ARPP21: variants seen among roughly 807,000 people sequenced by gnomAD.
The protein encoded by ARPP21 is cAMP regulated phosphoprotein 21.
ARPP21 carries 69 observed loss-of-function variants against 113.2 expected under a neutral mutation model. The observed-to-expected ratio is 0.61, with a 90% CI of 0.50 to 0.74. The LOEUF (loss-of-function observed/expected upper bound fraction) is 0.74. Among genes scored for constraint, ARPP21 ranks in the 30% least tolerant of loss-of-function variants. The pLI, the probability that ARPP21 is intolerant of heterozygous loss-of-function variation, is 0.00. For synonymous variants in ARPP21, 368 were observed against 375.5 expected, an observed-to-expected ratio of 0.98 and a Z score of 0.23; for missense variants, 1,070 against 1,037.4, an observed-to-expected ratio of 1.03 and a Z score of -0.43.
chr3:35,778,608 C>T (rs1230441645), intron 19 of ARPP21, among the ~76,000 whole-genome samples: 1 of 152,134 alleles, frequency 6.6e-6, no homozygotes, highest in Non-Finnish European at 1.5e-5. Context: ...CTCAACTTAC[C>T]TACTCCCTTT....
At position 35,793,745 on chromosome 3, in the gene ARPP21, C is replaced by G; in HGVS notation, c.2331C>G (p.Tyr777Ter). 1 of 1,613,644 alleles carries G rather than the reference C, an allele frequency of 6.2e-7. No homozygotes were observed. Among genetic ancestry groups the G allele is most frequent in the Non-Finnish European group, 8.5e-7 (1 of 1,179,530 alleles). Residue 777 changes from tyrosine (Y) to a stop codon, truncating the protein, a stop_gained, in exon 21 of 21, where the codon TAC becomes TAG. Transcript: ENST00000684406. LOFTEE classifies it high-confidence loss of function. Reference sequence around the variant, plus strand: ...CTCAAGGACTGCCCCAGCAGTCATACCAACAGCCAATCATGCTACCTAACC... The same window carrying G: ...CTCAAGGACTGCCCCAGCAGTCATAGCAACAGCCAATCATGCTACCTAACC... Reference protein sequence around the residue: ...QGSQGLPQQSYQQPIMLPNQA... With the variant: ...QGSQGLPQQS
At position 35,655,022 on chromosome 3, in the gene ARPP21, G is replaced by A. The variant is rs534833356; in HGVS notation, c.-213+14624G>A. Among the ~76,000 whole-genome samples, 227 of 151,666 alleles carry A rather than the reference G, an allele frequency of 1.5e-3. 1 individual carries two copies. The highest frequency in any genetic ancestry group is 5.0e-3 in the African/African-American group (207 of 41,414). ...AAAATCTTAGAAATAATATTTATAG[G>A]TAAATATAAGGATTTATTTTATATC... On this transcript the variant is annotated intron_variant, in intron 1 of 20. Transcript: ENST00000684406.
intron 14 of ARPP21, among the ~76,000 whole-genome samples, chr3:35,726,125 G>A (rs973946996): frequency 2.6e-5 from 4 of 152,196 alleles, no homozygotes; most frequent in Non-Finnish European, 5.9e-5. Context: ...CTAGCACAGT[G>A]ATTGTCACAT....
At chr3:35,666,831 A>G (rs2074487160) in intron 1 of ARPP21, among the ~76,000 whole-genome samples, 1 of 152,178 alleles carries the variant, frequency 6.6e-6, no homozygotes, top group African/African-American at 2.4e-5. Context: ...CTTTTTCCAA[A>G]TATAAAATTA....
rs147038285 is a variant in ARPP21 at position 35,770,351 on chromosome 3, G to T, written c.2138-22031G>T. The stretch of plus-strand genomic sequence containing the variant: ...TTTATTTCAAGATATATATTGGCAA[G>T]ATTAGTAAAATGGTTCAGCATTCTT... On this transcript the variant is annotated intron_variant, in intron 19 of 20. Coordinates refer to ENST00000684406, the MANE Select transcript of ARPP21 (RefSeq NM_001385562.1). Among the ~76,000 whole-genome samples, 830 of 152,308 alleles carry T rather than the reference G, an allele frequency of 5.4e-3. 10 individuals are homozygous for T. The highest frequency in any genetic ancestry group is 0.019 in the African/African-American group (789 of 41,572).
intron 9 of ARPP21, among the ~76,000 whole-genome samples, chr3:35,703,709 G>A (rs748077203): frequency 6.6e-6 from 1 of 151,482 alleles, no homozygotes; most frequent in African/African-American, 2.4e-5. Flanking sequence ...AGTCATCATT[G>A]ATTTAATAAA....
intron 17 of ARPP21, 101 bp from the exon 18 acceptor site, chr3:35,739,216 C>T (rs2094524548): frequency 7.3e-7 from 1 of 1,368,324 alleles, no homozygotes; most frequent in Non-Finnish European, 1.0e-6. Flanking sequence ...CTTCCTGTCT[C>T]TCCCACAACT....
chr3:35,751,472 G>A (rs2095402487), intron 19 of ARPP21, among the ~76,000 whole-genome samples: 1 of 152,076 alleles, frequency 6.6e-6, no homozygotes, highest in South Asian at 2.1e-4. Flanking sequence ...GCGTGAGTAA[G>A]TAAGCGATAC....
At chr3:35,657,250 C>G (rs967272620) in intron 1 of ARPP21, among the ~76,000 whole-genome samples, 1 of 152,064 alleles carries the variant, frequency 6.6e-6, no homozygotes, top group Non-Finnish European at 1.5e-5. Context: ...TGTACACGCC[C>G]TCAGAAATTG....
At chr3:35,786,887 G>A (rs916268396) in intron 19 of ARPP21, among the ~76,000 whole-genome samples, 1 of 152,066 alleles carries the variant, frequency 6.6e-6, no homozygotes, top group Non-Finnish European at 1.5e-5. Context: ...GAGGCATAAG[G>A]CAGTGACTCC....
intron 19 of ARPP21, chr3:35,781,519 A>C (rs1576988744): frequency 6.6e-6 from 1 of 152,308 alleles, no homozygotes; most frequent in East Asian, 1.9e-4. Context: ...AAAGATAAGC[A>C]CATTTGTATT....
At chr3:35,667,969 GAAGAAGAAGAAGA>G (rs1161664864) in intron 1 of ARPP21, among the ~76,000 whole-genome samples, 1 of 118,586 alleles carries the variant, frequency 8.4e-6, no homozygotes, top group Non-Finnish European at 1.8e-5. Flanking sequence ...AGAAGAAGAA[GAAGAAGAAGAAGA>G]AGAAGAAGAA....
chr3:35,739,274 A>C (rs1307867431), intron 17 of ARPP21, 43 bp from the exon 18 acceptor site: 1 of 1,595,122 alleles, frequency 6.3e-7, no homozygotes, highest in Non-Finnish European at 8.6e-7. Context: ...CTTATTACCA[A>C]GCTGATCCTG....
At chr3:35,748,874 G>A (rs1016192416) in intron 19 of ARPP21, among the ~76,000 whole-genome samples, 1 of 152,176 alleles carries the variant, frequency 6.6e-6, no homozygotes, top group African/African-American at 2.4e-5. Flanking sequence ...GTTTGCAAGG[G>A]AAATACACCG....
chr3:35,657,982 T>C (rs1440818419), intron 1 of ARPP21, among the ~76,000 whole-genome samples: 1 of 152,174 alleles, frequency 6.6e-6, no homozygotes, highest in African/African-American at 2.4e-5. Flanking sequence ...CACTTTTGTA[T>C]GTTAGTGGGA....
intron 19 of ARPP21, among the ~76,000 whole-genome samples, chr3:35,786,463 G>A (rs1424500197): frequency 1.3e-5 from 2 of 151,774 alleles, no homozygotes; most frequent in Non-Finnish European, 2.9e-5. Flanking sequence ...AGGAGGCAGG[G>A]GTTGCAGTGA....
intron 9 of ARPP21, 130 bp from the exon 10 acceptor site, chr3:35,706,844 G>A: frequency 6.3e-6 from 4 of 630,066 alleles, no homozygotes; most frequent in Non-Finnish European, 5.5e-6. Flanking sequence ...TATATTGCCA[G>A]CAACTCTAGT....
chr3:35,706,593 G>C (rs1363151252), intron 9 of ARPP21, among the ~76,000 whole-genome samples: 3 of 152,236 alleles, frequency 2.0e-5, no homozygotes, highest in African/African-American at 7.2e-5. Context: ...GTGAATTAAT[G>C]TGTTACTCTC....
chr3:35,729,328 C>G lies in ARPP21; in HGVS notation c.1251C>G (p.Gly417=), dbSNP rs1162356638. 5 of 1,613,966 alleles carry G rather than the reference C, an allele frequency of 3.1e-6. No individual in the cohort carries two copies. Among genetic ancestry groups the G allele is most frequent in the Middle Eastern group, 1.6e-4 (1 of 6,082 alleles). ...GTTCCGAGTCTTCCAGCAGTGCAGG[C>G]TCCTCAGGATCGCTGTCCCGCACCC... The part of the protein sequence containing the change: ...KAGSESSSSA[G]SSGSLSRTHP... The change falls in exon 15 of 21, where the codon GGC becomes GGG. Residue 417 remains glycine, a synonymous_variant. Coordinates refer to ENST00000684406, the MANE Select transcript of ARPP21 (RefSeq NM_001385562.1).
Sources: gnomAD v4.1 joint callset for allele counts (sites outside exome capture counted in the v4.1 genomes callset) on GRCh38, gnomAD v4.1.1 for gene constraint, MANE v1.5 for transcripts, NCBI Gene and HGNC (gene_info 2026-07-23, HGNC 2026-07-21) for gene names.